PDE7B: variants seen among roughly 807,000 people sequenced by gnomAD.
The protein encoded by PDE7B is phosphodiesterase 7B.
A neutral mutation model predicts 56.2 loss-of-function variants in PDE7B; 29 were observed. The observed-to-expected ratio is 0.52, with a 90% CI of 0.38 to 0.70. The LOEUF (loss-of-function observed/expected upper bound fraction) is 0.70, where lower values mean the gene tolerates loss of function less well. Among genes scored for constraint, PDE7B ranks in the 30% least tolerant of loss-of-function variants. PDE7B has a pLI of 0.00. For synonymous variants in PDE7B, 197 were observed against 196.9 expected (o/e 1.00, Z 0.00); for missense variants, 490 against 565.0 (o/e 0.87, Z 1.35).
intron 2 of PDE7B, among the ~76,000 whole-genome samples, chr6:136,086,126 G>C (rs1217428407): frequency 2.0e-5 from 3 of 152,124 alleles, no homozygotes; most frequent in Non-Finnish European, 4.4e-5. Flanking sequence ...ATGCCTCTTT[G>C]TCAAAGGAGA....
chr6:136,144,242 A>T (rs1269434634), intron 3 of PDE7B, among the ~76,000 whole-genome samples: 5 of 152,104 alleles, frequency 3.3e-5, no homozygotes, highest in African/African-American at 4.8e-5. Context: ...TTTTTATCAT[A>T]AAATAACTTC....
chr6:135,935,430 A>T (rs1774405612), intron 1 of PDE7B, among the ~76,000 whole-genome samples: 1 of 151,406 alleles, frequency 6.6e-6, no homozygotes, highest in South Asian at 2.1e-4. Flanking sequence ...CTTTATTCAC[A>T]TATTCTTCTC....
At chr6:136,079,814 A>C (rs374220129) in intron 2 of PDE7B, among the ~76,000 whole-genome samples, 2 of 151,758 alleles carry the variant, frequency 1.3e-5, no homozygotes, top group African/African-American at 2.4e-5. Flanking sequence ...GACCAGAATG[A>C]CACTCCCCTT....
At chr6:136,014,872 CA>C (rs1473918249) in intron 2 of PDE7B, among the ~76,000 whole-genome samples, 1 of 152,212 alleles carries the variant, frequency 6.6e-6, no homozygotes, top group African/African-American at 2.4e-5. Flanking sequence ...GGAGAGTCCA[CA>C]CAGATATCAG....
intron 1 of PDE7B, among the ~76,000 whole-genome samples, chr6:135,858,605 T>C (rs1192041796): frequency 3.3e-5 from 5 of 152,180 alleles, no homozygotes; most frequent in Non-Finnish European, 5.9e-5. Flanking sequence ...ATCATTCTTA[T>C]TTGAGTAACT....
intron 7 of PDE7B, among the ~76,000 whole-genome samples, chr6:136,155,077 C>T (rs752175686): frequency 1.1e-4 from 17 of 152,182 alleles, no homozygotes; most frequent in Non-Finnish European, 1.9e-4. Flanking sequence ...CGTGTCTCTG[C>T]TTATTTTCCT....
intron 3 of PDE7B, among the ~76,000 whole-genome samples, chr6:136,127,942 C>G (rs1000462980): frequency 6.6e-6 from 1 of 152,198 alleles, no homozygotes. Context: ...CTGCTGTGAT[C>G]TTTCTGACAC....
Position 136,175,934 on chromosome 6 carries a change from GTTTATT to G in PDE7B, c.803+2052_803+2057del, listed in dbSNP as rs575423202. On this transcript the variant is annotated intron_variant, in intron 9 of 12. Coordinates refer to ENST00000308191, the MANE Select transcript of PDE7B (RefSeq NM_018945.4). ...ACCAATGTACCATCACCAAAATTGA[GTTTATT>G]TTTATCTTTTTAAAATATTTGCAAA... Among the ~76,000 whole-genome samples the G allele has an allele frequency of 8.4e-3, 1,277 of 152,004 alleles. 13 individuals carry two copies. The highest frequency in any genetic ancestry group is 0.029 in the African/African-American group (1,217 of 41,488).
Position 136,108,830 on chromosome 6 carries a change from T to A in PDE7B, c.166+16T>A. ...CTACTTAACAGTGAGTAATCAAGTG[T>A]ACCTGGAAAGGAACAAACGTTTTCT... On this transcript the variant is annotated intron_variant, in intron 3 of 12. Transcript: ENST00000308191. 1 of 1,462,086 alleles carries A rather than the reference T, an allele frequency of 6.8e-7. No individual in the cohort carries two copies. Among genetic ancestry groups the A allele is most frequent in the Non-Finnish European group, 9.6e-7 (1 of 1,041,138 alleles). 90.6% of individuals were successfully genotyped at this position (1,462,086 alleles called of 1,614,324 possible).
chr6:135,948,251 T>C (rs1395264278), intron 2 of PDE7B, among the ~76,000 whole-genome samples: 1 of 152,036 alleles, frequency 6.6e-6, no homozygotes, highest in African/African-American at 2.4e-5. Context: ...TTTAAGCCAC[T>C]AAACTATGTC....
chr6:135,875,714 T>C (rs1314929605), intron 1 of PDE7B, among the ~76,000 whole-genome samples: 1 of 152,214 alleles, frequency 6.6e-6, no homozygotes, highest in Non-Finnish European at 1.5e-5. Context: ...ATATTTTCAG[T>C]GTTTAGACTA....
At chr6:135,867,462 A>C (rs1001063935) in intron 1 of PDE7B, among the ~76,000 whole-genome samples, 2 of 152,108 alleles carry the variant, frequency 1.3e-5, no homozygotes, top group African/African-American at 4.8e-5. Context: ...CATGTGCAGG[A>C]TGTGCAGGTT....
chr6:135,947,330 A>G (rs1157429477), intron 1 of PDE7B, 134 bp from the exon 2 acceptor site: 3 of 698,328 alleles, frequency 4.3e-6, no homozygotes, highest in East Asian at 5.4e-5. Flanking sequence ...CTCATGACAT[A>G]AGTCCCTAGA....
chr6:136,041,745 A>G (rs940956231), intron 2 of PDE7B, among the ~76,000 whole-genome samples: 1 of 152,178 alleles, frequency 6.6e-6, no homozygotes, highest in African/African-American at 2.4e-5. Context: ...TTGTGTTAAT[A>G]CTCACATCTT....
In PDE7B at chr6:136,151,273, C is replaced by G. The variant is rs1407580559; in HGVS notation, c.478+18C>G. 1 of 1,260,476 alleles carries G rather than the reference C, an allele frequency of 7.9e-7. No individual in the cohort carries two copies. Among genetic ancestry groups the G allele is most frequent in the Admixed American group, 1.7e-5 (1 of 59,580 alleles). 78.1% of individuals were successfully genotyped at this position (1,260,476 alleles called of 1,614,324 possible). A position where few individuals can be genotyped will look rare whatever the true frequency, so the allele number is the denominator to read the frequency against. On this transcript the variant is annotated intron_variant, in intron 6 of 12. Transcript: ENST00000308191. ...ATTTTTAGGTAAGTCCTTTTTTTCA[C>G]ATTTCTAGCCCCATTCTCTTGAATA...
chr6:135,968,937 C>T (rs1775046094), intron 2 of PDE7B, among the ~76,000 whole-genome samples: 1 of 152,038 alleles, frequency 6.6e-6, no homozygotes, highest in Non-Finnish European at 1.5e-5. Flanking sequence ...ACATATACAC[C>T]ATGGAATACT....
chr6:135,891,486 C>G (rs769318630), intron 1 of PDE7B, among the ~76,000 whole-genome samples: 4 of 152,172 alleles, frequency 2.6e-5, no homozygotes, highest in Admixed American at 6.5e-5. Context: ...AGGCAACCTT[C>G]AGGAGCATTG....
intron 2 of PDE7B, among the ~76,000 whole-genome samples, chr6:136,052,467 T>C (rs1439567018): frequency 6.6e-6 from 1 of 152,134 alleles, no homozygotes; most frequent in Non-Finnish European, 1.5e-5. Flanking sequence ...TTTTGCAGGC[T>C]CTTGTAGTGA....
At chr6:135,980,620 G>A (rs542547366) in intron 2 of PDE7B, among the ~76,000 whole-genome samples, 8 of 152,162 alleles carry the variant, frequency 5.3e-5, no homozygotes, top group Non-Finnish European at 7.4e-5. Flanking sequence ...AAGAGTGGGC[G>A]AAGGACATGA....
Sources: allele counts gnomAD v4.1 joint callset (sites outside exome capture counted in the v4.1 genomes callset), GRCh38; gene constraint gnomAD v4.1.1; transcripts MANE v1.5; gene names NCBI Gene and HGNC (gene_info 2026-07-23, HGNC 2026-07-21).